Variants in NAGLU observed in about 807,000 individuals in gnomAD.
NAGLU encodes alpha-N-acetylglucosaminidase.
In NAGLU, 34 loss-of-function variants were observed where a neutral mutation model predicts 43.4. The ratio of observed to expected loss-of-function variants is 0.78; its 90% CI spans 0.60 to 1.04. The LOEUF is 1.04. Ranked by LOEUF, NAGLU falls within the 50% of genes least tolerant of loss-of-function variation. The pLI, the probability that NAGLU is intolerant of heterozygous loss-of-function variation, is 0.00. For synonymous variants in NAGLU, 425 were observed against 437.6 expected (o/e 0.97, Z 0.36); for missense variants, 910 against 993.7 (o/e 0.92, Z 1.13).
chr17:42,536,326 C>T lies in NAGLU; in HGVS notation c.54C>T (p.Ala18=), dbSNP rs1276497226. 2.5e-6 allele frequency: 3 copies of T among 1,216,170 alleles called. No homozygotes were observed. Among genetic ancestry groups the T allele is most frequent in the Admixed American group, 4.3e-5 (1 of 23,034 alleles). The allele number at this position is 1,216,170 out of a possible 1,614,324, so 75.3% of individuals were successfully genotyped here. A position where few individuals can be genotyped will look rare whatever the true frequency, so the allele number is the denominator to read the frequency against. ...TGGGGGTCCTTCTCCTGGCCGGGGC[C>T]GGGGGCGCGGCAGGCGACGAGGCCC... ...AAVGVLLLAG[A]GGAAGDEARE... Residue 18 remains alanine, a synonymous_variant, in exon 1 of 6, where the codon GCC becomes GCT. Transcript: ENST00000225927.
chr17:42,538,766 G>A lies in NAGLU; in HGVS notation c.764+11G>A, dbSNP rs756517376. ...CGAGGCTGTCACCAGGTGAGGTTCC[G>A]CTCACCCCCTCCACTTAGCTCAGAG... On this transcript the variant is annotated intron_variant, in intron 4 of 5. Coordinates refer to ENST00000225927, the MANE Select transcript of NAGLU (RefSeq NM_000263.4). The A allele has an allele frequency of 8.2e-5, 132 of 1,613,028 alleles. No individual in the cohort carries two copies. The highest frequency in any genetic ancestry group is 9.8e-5 in the Non-Finnish European group (116 of 1,179,560).
rs750276054 is a variant in NAGLU, at chr17:42,538,454, C to A, written c.647C>A (p.Pro216His). 6.2e-7 allele frequency: 1 copy of A among 1,614,140 alleles called. No individual in the cohort carries two copies. The highest frequency in any genetic ancestry group is 8.5e-7 in the Non-Finnish European group (1 of 1,180,030). ...CACACCTGGGATGGCCCCCTGCCCC[C>A]CTCCTGGCACATCAAGCAGCTTTAC... ...NLHTWDGPLP[P>H]SWHIKQLYLQ... The change falls in exon 3 of 6, where the codon CCC becomes CAC. Residue 216 changes from proline (P) to histidine (H), a missense_variant. By Grantham distance (77) the Pro-to-His change is moderately conservative (BLOSUM62 -2). Transcript: ENST00000225927.
In NAGLU at chr17:42,544,397, C is replaced by T; in HGVS notation, c.*159C>T. The T allele has an allele frequency of 9.6e-7, 1 of 1,043,442 alleles. No homozygotes were observed. Among genetic ancestry groups the T allele is most frequent in the Non-Finnish European group, 1.4e-6 (1 of 708,466 alleles). 64.6% of individuals were successfully genotyped at this position (1,043,442 alleles called of 1,614,324 possible). A position where few individuals can be genotyped will look rare whatever the true frequency, so the allele number is the denominator to read the frequency against. On this transcript the variant is annotated 3_prime_UTR_variant, in exon 6 of 6. Transcript: ENST00000225927. ...GGGGATTGGAGGGAAATGACCTGCC[C>T]TCCACCACCACCCAAAGTGTGGGAT...
chr17:42,537,341 C>G (rs537037645), intron 1 of NAGLU, 57 bp from the exon 2 acceptor site: 1 of 1,612,260 alleles, frequency 6.2e-7, no homozygotes, highest in African/African-American at 1.3e-5. Context: ...GGGATTTGTT[C>G]CAGGGCCGTG....
intron 5 of NAGLU, among the ~76,000 whole-genome samples, chr17:42,542,751 C>T (rs897455946): frequency 3.9e-5 from 6 of 152,384 alleles, no homozygotes; most frequent in African/African-American, 1.2e-4. Flanking sequence ...GCTTCAGCCC[C>T]TCAGAGTACT....
chr17:42,543,879 G>A lies in NAGLU; in HGVS notation c.1873G>A (p.Ala625Thr), dbSNP rs1170932241. 10 of 1,604,416 alleles carry A rather than the reference G, an allele frequency of 6.2e-6. No individual in the cohort carries two copies. Among genetic ancestry groups the A allele is most frequent in the Non-Finnish European group, 8.5e-6 (10 of 1,175,890 alleles). Reference protein sequence around the residue: ...RFLLGSWLEQARAAAVSEAEA... With the variant: ...RFLLGSWLEQTRAAAVSEAEA... ...CTTGCTGGGCAGCTGGCTAGAGCAG[G>A]CCCGAGCAGCGGCAGTCAGTGAGGC... The change falls in exon 6 of 6, where the codon GCC (alanine) becomes ACC (threonine). Residue 625 changes from alanine (A) to threonine (T), a missense_variant. Physicochemically the swap from Ala to Thr is moderately conservative, Grantham distance 58. Transcript: ENST00000225927.
At chr17:42,542,412 G>A (rs1448518853) in intron 5 of NAGLU, among the ~76,000 whole-genome samples, 2 of 152,046 alleles carry the variant, frequency 1.3e-5, no homozygotes, top group Non-Finnish European at 2.9e-5. Context: ...TGGCCAGACT[G>A]GTCTCAAACT....
intron 5 of NAGLU, among the ~76,000 whole-genome samples, chr17:42,542,311 A>T (rs554059520): frequency 6.6e-6 from 1 of 152,096 alleles, no homozygotes; most frequent in African/African-American, 2.4e-5. Context: ...TGATTCGCCC[A>T]CTTCAGCCTC....
chr17:42,539,311 G>A (rs2092915657), intron 4 of NAGLU, among the ~76,000 whole-genome samples: 1 of 152,248 alleles, frequency 6.6e-6, no homozygotes, highest in Admixed American at 6.5e-5. Context: ...TTTGCACAGA[G>A]TGCTAGCAAA....
In NAGLU at chr17:42,536,574, T is replaced by C; in HGVS notation, c.302T>C (p.Val101Ala). ...CTGCGCGACTTCTGTGGCTGCCACG[T>C]GGCCTGGTCCGGCTCTCAGCTGCGC... ...RYLRDFCGCHVAWSGSQLRLP... is the reference protein window; with the variant it reads ...RYLRDFCGCHAAWSGSQLRLP... Residue 101 changes from valine (V) to alanine (A), a missense_variant, in exon 1 of 6, where the codon GTG becomes GCG. By Grantham distance (64) the Val-to-Ala change is moderately conservative. Coordinates refer to ENST00000225927, the MANE Select transcript of NAGLU (RefSeq NM_000263.4). The C allele has an allele frequency of 2.0e-6, 3 of 1,485,608 alleles. No homozygotes were observed. Among genetic ancestry groups the C allele is most frequent in the Non-Finnish European group, 2.7e-6 (3 of 1,125,524 alleles). 92.0% of individuals were successfully genotyped at this position (1,485,608 alleles called of 1,614,324 possible). A position where few individuals can be genotyped will look rare whatever the true frequency, so the allele number is the denominator to read the frequency against.
rs1306672947 is a variant in NAGLU, at chr17:42,544,010, C to T, written c.2004C>T (p.Ala668=). Residue 668 remains alanine, a synonymous_variant, in exon 6 of 6, where the codon GCC becomes GCT. Transcript: ENST00000225927. The stretch of plus-strand genomic sequence containing the variant: ...ACAAGCAGCTGGCGGGGTTGGTGGC[C>T]AACTACTACACCCCTCGCTGGCGGC... ...YANKQLAGLV[A]NYYTPRWRLF... is the part of the protein sequence containing the mutation. The T allele has an allele frequency of 2.1e-5, 34 of 1,610,904 alleles. No individual in the cohort carries two copies. The highest frequency in any genetic ancestry group is 2.8e-5 in the Non-Finnish European group (33 of 1,178,646).
intron 5 of NAGLU, among the ~76,000 whole-genome samples, chr17:42,541,825 C>CCAGCAGCAG (rs371083564): frequency 6.6e-6 from 1 of 151,890 alleles, no homozygotes; most frequent in Non-Finnish European, 1.5e-5. Context: ...TGACCCAAAA[C>CCAGCAGCAG]CAGCAGCAGC....
In NAGLU at chr17:42,543,034, C is replaced by T. The variant is rs1469114327; in HGVS notation, c.1028C>T (p.Thr343Ile). Residue 343 changes from threonine (T) to isoleucine (I), a missense_variant, in exon 6 of 6, where the codon ACT becomes ATT. Coordinates refer to ENST00000225927, the MANE Select transcript of NAGLU (RefSeq NM_000263.4). ...CCCTACCTCCTGTCCACAGTGGATACTGAGGCTGTGTGGCTGCTCCAAGGC... is the reference window on the plus strand; with the variant it reads ...CCCTACCTCCTGTCCACAGTGGATATTGAGGCTGTGTGGCTGCTCCAAGGC... ...AVYEAMTAVD[T>I]EAVWLLQGWL... is the part of the protein sequence containing the mutation. The T allele has an allele frequency of 1.9e-6, 3 of 1,602,786 alleles. No individual in the cohort carries two copies. The highest frequency in any genetic ancestry group is 2.2e-5 in the South Asian group (2 of 91,050).
intron 1 of NAGLU, 65 bp from the exon 2 acceptor site, chr17:42,537,333 G>T: frequency 6.2e-7 from 1 of 1,610,976 alleles, no homozygotes; most frequent in Non-Finnish European, 8.5e-7. Context: ...GGGGATGGGG[G>T]ATTTGTTCCA....
intron 2 of NAGLU, among the ~76,000 whole-genome samples, chr17:42,537,928 A>G (rs903185152): frequency 3.3e-5 from 5 of 150,422 alleles, no homozygotes; most frequent in African/African-American, 7.4e-5. Flanking sequence ...CATCTCCCCT[A>G]TGCAGCCAAT....
At chr17:42,540,265 T>G (rs1253031025) in intron 4 of NAGLU, among the ~76,000 whole-genome samples, 2 of 150,838 alleles carry the variant, frequency 1.3e-5, no homozygotes, top group African/African-American at 4.9e-5. Context: ...GGAGTAGCAT[T>G]GGGACAGATA....
In NAGLU at chr17:42,538,596, G is replaced by A. The variant is rs965486171; in HGVS notation, c.679-74G>A. The A allele has an allele frequency of 6.8e-6, 11 of 1,612,374 alleles. No homozygotes were observed. In the African/African-American group the frequency reaches 1.5e-4, roughly 22 times the overall value. On this transcript the variant is annotated intron_variant, in intron 3 of 5. Transcript: ENST00000225927. Reference sequence around the variant, plus strand: ...TCTTAACTGAGGCGGGGGGCTGCGTGTATCCTGGGAGATGAGGGCCTTCTC... The same window carrying A: ...TCTTAACTGAGGCGGGGGGCTGCGTATATCCTGGGAGATGAGGGCCTTCTC...
chr17:42,536,309 C>T lies in NAGLU; in HGVS notation c.37C>T (p.Leu13Phe), dbSNP rs1032042327. The T allele has an allele frequency of 4.1e-6, 5 of 1,218,990 alleles. No individual in the cohort carries two copies. In the African/African-American group the frequency reaches 6.3e-5, roughly 15 times the overall value. 75.5% of individuals were successfully genotyped at this position (1,218,990 alleles called of 1,614,324 possible). A position where few individuals can be genotyped will look rare whatever the true frequency, so the allele number is the denominator to read the frequency against. ...AVAVAAAVGV[L>F]LLAGAGGAAG... The stretch of plus-strand genomic sequence containing the variant: ...GGCGGTGGCCGCGGCGGTGGGGGTC[C>T]TTCTCCTGGCCGGGGCCGGGGGCGC... The change falls in exon 1 of 6, where the codon CTT becomes TTT. Residue 13 changes from leucine (L) to phenylalanine (F), a missense_variant. Physicochemically the swap from Leu to Phe is conservative, Grantham distance 22 (BLOSUM62 0). Transcript: ENST00000225927.
At chr17:42,540,805 G>A (rs1240524226) in intron 4 of NAGLU, 145 bp from the exon 5 acceptor site, 52 of 1,186,684 alleles carry the variant, frequency 4.4e-5, no homozygotes, top group Non-Finnish European at 5.8e-5. Context: ...GGAGAAGAAA[G>A]GACTGTAGGC....
Sources: allele counts gnomAD v4.1 joint callset (sites outside exome capture counted in the v4.1 genomes callset), GRCh38; gene constraint gnomAD v4.1.1; transcripts MANE v1.5; gene names NCBI Gene and HGNC (gene_info 2026-07-23, HGNC 2026-07-21).